Variants in FKBP5 observed in about 807,000 individuals in gnomAD.
FKBP5 encodes FKBP prolyl isomerase 5, also known as peptidyl-prolyl cis-trans isomerase FKBP5.
FKBP5 carries 23 observed loss-of-function variants against 50.5 expected under a neutral mutation model. That is an observed-to-expected ratio of 0.46 (90% CI 0.33 to 0.65). The LOEUF is 0.65. FKBP5 is among the 30% of genes least tolerant of loss of function. The probability of loss-of-function intolerance (pLI) is 0.02; values close to 1 mark genes in which losing one functional copy is unlikely to be tolerated. For missense variants in FKBP5, 411 were observed against 553.1 expected (o/e 0.74, Z 2.58); for synonymous variants, 176 against 190.6 (o/e 0.92, Z 0.63).
At chr6:35,585,111 A>G in intron 8 of FKBP5, 1 of 983,700 alleles carries the variant, frequency 1.0e-6, no homozygotes, top group Non-Finnish European at 1.2e-6. Flanking sequence ...TACTACACTG[A>G]ATCGATATAA....
In FKBP5 at chr6:35,580,734, C is replaced by A. The variant is rs574179822; in HGVS notation, c.841-513G>T. 2.5e-5 allele frequency: 9 copies of A among 366,396 alleles called. No homozygotes were observed. The Middle Eastern group carries it at 8.5e-3, about 345-fold the overall frequency. 22.7% of individuals were successfully genotyped at this position (366,396 alleles called of 1,614,324 possible). A position where few individuals can be genotyped will look rare whatever the true frequency, so the allele number is the denominator to read the frequency against. ...TTTTTTGTATTTTTAGTAGAGACAG[C>A]GTTTCACTATGTTGGCCAGGCTGGT... On this transcript the variant is annotated intron_variant, in intron 8 of 10. Transcript: ENST00000357266.
intron 1 of FKBP5, among the ~76,000 whole-genome samples, chr6:35,721,414 GAT>G (rs1766608198): frequency 6.6e-6 from 1 of 151,076 alleles, no homozygotes; most frequent in Non-Finnish European, 1.5e-5. Flanking sequence ...TGCTGAACTT[GAT>G]TTTTTTATTT....
chr6:35,592,438 G>A (rs1176973831), intron 6 of FKBP5, among the ~76,000 whole-genome samples: 2 of 152,296 alleles, frequency 1.3e-5, no homozygotes, highest in East Asian at 1.9e-4. Flanking sequence ...TAGGAATGAG[G>A]AGCGGGGCAA....
At chr6:35,726,279 CG>C (rs1318534393) in intron 1 of FKBP5, among the ~76,000 whole-genome samples, 1 of 152,106 alleles carries the variant, frequency 6.6e-6, no homozygotes, top group Non-Finnish European at 1.5e-5. Flanking sequence ...GGGTGTAGTA[CG>C]TAGGAGTGGC....
intron 1 of FKBP5, among the ~76,000 whole-genome samples, chr6:35,686,954 TA>T (rs981201881): frequency 6.6e-6 from 1 of 152,114 alleles, no homozygotes; most frequent in Non-Finnish European, 1.5e-5. Flanking sequence ...AATAAAACAA[TA>T]AAGACCACTA....
Position 35,620,024 on chromosome 6 carries a change from A to C in FKBP5, c.393+108T>G, listed in dbSNP as rs1345867875. 1.9e-5 allele frequency: 26 copies of C among 1,350,828 alleles called. No homozygotes were observed. In the East Asian group the frequency reaches 5.3e-4, roughly 28 times the overall value. 83.7% of individuals were successfully genotyped at this position (1,350,828 alleles called of 1,614,324 possible). On this transcript the variant is annotated intron_variant, in intron 4 of 10. Transcript: ENST00000357266. Reference sequence around the variant, plus strand: ...CCATGCTCCAAAATAAGTAAGTTGGATCTGATTCTCTATAGCAAGCTTAGC... The same window carrying C: ...CCATGCTCCAAAATAAGTAAGTTGGCTCTGATTCTCTATAGCAAGCTTAGC...
intron 3 of FKBP5, among the ~76,000 whole-genome samples, chr6:35,632,235 T>C (rs1764182744): frequency 6.6e-6 from 1 of 152,182 alleles, no homozygotes; most frequent in Non-Finnish European, 1.5e-5. Flanking sequence ...TATTCCACAG[T>C]AGTAATAATC....
chr6:35,612,627 G>A, intron 5 of FKBP5, among the ~76,000 whole-genome samples: 1 of 152,212 alleles, frequency 6.6e-6, no homozygotes, highest in Middle Eastern at 3.2e-3. Context: ...TCACATGGCT[G>A]GGGAAGCCTC....
upstream of FKBP5, among the ~76,000 whole-genome samples, chr6:35,691,573 C>T (rs756417203): frequency 3.9e-4 from 59 of 152,098 alleles, no homozygotes; most frequent in Admixed American, 7.2e-4. Context: ...TACAGCTACA[C>T]GGTTCTTTTT....
At chr6:35,587,163 C>A (rs768872584) in intron 7 of FKBP5, 46 bp from the exon 8 acceptor site, 2 of 1,556,320 alleles carry the variant, frequency 1.3e-6, no homozygotes, top group Non-Finnish European at 1.8e-6. Context: ...GAGAGAAAAG[C>A]ATCAGTTGAG....
At chr6:35,680,440 A>C (rs184704289) in intron 1 of FKBP5, among the ~76,000 whole-genome samples, 24 of 152,358 alleles carry the variant, frequency 1.6e-4, no homozygotes, top group Non-Finnish European at 1.5e-4. Flanking sequence ...AAAAGAAAAA[A>C]CAAAAAGAAC....
At chr6:35,646,537 T>C (rs1047941343) in intron 1 of FKBP5, among the ~76,000 whole-genome samples, 1 of 152,136 alleles carries the variant, frequency 6.6e-6, no homozygotes, top group Non-Finnish European at 1.5e-5. Flanking sequence ...ACAAAACAAA[T>C]AAAACTTTTT....
chr6:35,722,693 TC>T (rs1766633122), intron 1 of FKBP5, among the ~76,000 whole-genome samples: 1 of 152,202 alleles, frequency 6.6e-6, no homozygotes, highest in Non-Finnish European at 1.5e-5. Flanking sequence ...TACACACTGT[TC>T]CTTCTACCTG....
At chr6:35,589,068 G>A (rs1474615286) in intron 7 of FKBP5, among the ~76,000 whole-genome samples, 2 of 141,798 alleles carry the variant, frequency 1.4e-5, no homozygotes, top group African/African-American at 5.2e-5. Context: ...ATGTGTGTGT[G>A]TGTATATATT....
At position 35,597,531 on chromosome 6, in the gene FKBP5, A is replaced by G. The variant is rs545245128; in HGVS notation, c.509-127T>C. 5.4e-6 allele frequency: 6 copies of G among 1,119,690 alleles called. No individual in the cohort carries two copies. In the East Asian group the frequency reaches 1.6e-4, roughly 29 times the overall value. The allele number at this position is 1,119,690 out of a possible 1,614,324, so 69.4% of individuals were successfully genotyped here. ...CCCCTTTCTCATTTCATCAAGAGAC[A>G]CACACAGTGTGTCTTGGTGAAGCTT... On this transcript the variant is annotated intron_variant, in intron 5 of 10. Transcript: ENST00000357266.
intron 6 of FKBP5, among the ~76,000 whole-genome samples, chr6:35,596,949 A>G (rs569314076): frequency 1.3e-5 from 2 of 152,324 alleles, no homozygotes; most frequent in South Asian, 4.1e-4. Flanking sequence ...AGAGAACCAC[A>G]TATGAGAGGG....
chr6:35,678,355 T>C (rs1765579155), intron 1 of FKBP5, among the ~76,000 whole-genome samples: 1 of 152,030 alleles, frequency 6.6e-6, no homozygotes, highest in African/African-American at 2.4e-5. Context: ...GTGATGTAGG[T>C]TTGGGGCCTA....
chr6:35,723,235 AAAAT>A (rs1014120185), intron 1 of FKBP5, among the ~76,000 whole-genome samples: 3 of 152,106 alleles, frequency 2.0e-5, no homozygotes, highest in African/African-American at 7.2e-5. Context: ...TCCATCTCAA[AAAAT>A]AAATAAATAA....
At chr6:35,712,111 C>T (rs1320826697) in intron 2 of FKBP5, among the ~76,000 whole-genome samples, 1 of 151,378 alleles carries the variant, frequency 6.6e-6, no homozygotes, top group Non-Finnish European at 1.5e-5. Context: ...AACTTCTGGG[C>T]TCAAGCAATC....
Sources: gnomAD v4.1 joint callset for allele counts (sites outside exome capture counted in the v4.1 genomes callset) on GRCh38, gnomAD v4.1.1 for gene constraint, MANE v1.5 for transcripts, NCBI Gene and HGNC (gene_info 2026-07-23, HGNC 2026-07-21) for gene names.